Variants in TMEM74 observed in about 807,000 individuals in gnomAD.
TMEM74 encodes transmembrane protein 74.
Under a neutral mutation model 18.1 loss-of-function variants are expected in TMEM74, and 13 were observed. The ratio of observed to expected loss-of-function variants is 0.72; its 90% CI spans 0.47 to 1.14. The LOEUF (loss-of-function observed/expected upper bound fraction) is 1.14. TMEM74 is among the 50% of genes most tolerant of loss of function. The pLI is 0.00. For synonymous variants in TMEM74, 159 were observed against 146.6 expected (o/e 1.08, Z -0.61); for missense variants, 372 against 375.9 (o/e 0.99, Z 0.09).
intron 1 of TMEM74, among the ~76,000 whole-genome samples, chr8:108,722,698 A>C (rs1464815572): frequency 6.6e-6 from 1 of 152,152 alleles, no homozygotes; most frequent in Non-Finnish European, 1.5e-5. Context: ...GTATGATGCT[A>C]ATTTGCATCT....
chr8:108,673,857 C>G (rs1813027826), intron 1 of TMEM74, among the ~76,000 whole-genome samples: 1 of 152,174 alleles, frequency 6.6e-6, no homozygotes, highest in South Asian at 2.1e-4. Flanking sequence ...ACACTGTTAT[C>G]ACAACCCTAC....
At chr8:108,689,642 T>C (rs1346466484) in intron 1 of TMEM74, among the ~76,000 whole-genome samples, 1 of 152,192 alleles carries the variant, frequency 6.6e-6, no homozygotes, top group African/African-American at 2.4e-5. Context: ...AGAAAAGATA[T>C]CACTGGAATG....
At chr8:108,732,314 A>T (rs1352587996) in intron 1 of TMEM74, among the ~76,000 whole-genome samples, 1 of 152,198 alleles carries the variant, frequency 6.6e-6, no homozygotes, top group East Asian at 1.9e-4. Context: ...TTAGCTGTCC[A>T]TTCTCTCCCC....
intron 2 of TMEM74, among the ~76,000 whole-genome samples, chr8:108,630,517 A>G (rs1438500908): frequency 6.6e-6 from 1 of 152,106 alleles, no homozygotes; most frequent in East Asian, 1.9e-4. Context: ...CCAAATCAAC[A>G]GAATATACAT....
intron 1 of TMEM74, among the ~76,000 whole-genome samples, chr8:108,757,065 T>C (rs1195313223): frequency 1.3e-5 from 2 of 152,112 alleles, no homozygotes; most frequent in African/African-American, 4.8e-5. Context: ...CCTCAGGAGC[T>C]AGGGGACTAT....
At chr8:108,730,634 C>CTTTTTTTTT (rs1199122765) in intron 1 of TMEM74, among the ~76,000 whole-genome samples, 36 of 132,174 alleles carry the variant, frequency 2.7e-4, no homozygotes, top group African/African-American at 1.1e-3. Context: ...TGCAGACTTC[C>CTTTTTTTTT]TTTTTTTTTT....
chr8:108,659,636 T>A (rs2130579804), intron 1 of TMEM74, among the ~76,000 whole-genome samples: 1 of 152,288 alleles, frequency 6.6e-6, no homozygotes, highest in Non-Finnish European at 1.5e-5. Flanking sequence ...AACTAATTGG[T>A]TACAGGTTGT....
intron 1 of TMEM74, among the ~76,000 whole-genome samples, chr8:108,729,314 A>G (rs959498192): frequency 1.3e-5 from 2 of 152,202 alleles, no homozygotes; most frequent in Non-Finnish European, 2.9e-5. Context: ...CCTCTCCAGC[A>G]ATGATTGGTC....
At chr8:108,693,244 T>A (rs1813248237) in intron 1 of TMEM74, among the ~76,000 whole-genome samples, 1 of 152,068 alleles carries the variant, frequency 6.6e-6, no homozygotes, top group African/African-American at 2.4e-5. Flanking sequence ...ACAAGGACAT[T>A]CACATCAGAT....
chr8:108,628,368 A>G (rs946728943), intron 2 of TMEM74, among the ~76,000 whole-genome samples: 3 of 152,092 alleles, frequency 2.0e-5, no homozygotes, highest in Non-Finnish European at 2.9e-5. Context: ...TTCTCTGCAG[A>G]CACCAACTAA....
chr8:108,632,527 C>T lies in TMEM74; in HGVS notation n.264+22766G>A, dbSNP rs115211184. On this transcript the variant is annotated intron_variant and non_coding_transcript_variant, in intron 2 of 3. Coordinates refer to the TMEM74 transcript ENST00000518838. ...AGAAAATTAGTTTATTTAAATAAAC[C>T]TCTAACTACCATTTCAAGGACCATG... is the stretch of plus-strand genomic sequence containing the variant. Among the ~76,000 whole-genome samples the T allele has an allele frequency of 3.6e-3, 546 of 151,662 alleles. 3 individuals carry two copies. Among genetic ancestry groups the T allele is most frequent in the African/African-American group, 0.013 (525 of 41,388 alleles).
chr8:108,714,044 C>A (rs544240829), intron 1 of TMEM74, among the ~76,000 whole-genome samples: 7 of 152,280 alleles, frequency 4.6e-5, no homozygotes, highest in African/African-American at 7.2e-5. Context: ...TCCCTCCAGA[C>A]CCCCAGCAGA....
At chr8:108,751,900 G>A (rs1455779977) in intron 1 of TMEM74, among the ~76,000 whole-genome samples, 1 of 152,106 alleles carries the variant, frequency 6.6e-6, no homozygotes, top group Non-Finnish European at 1.5e-5. Flanking sequence ...CTAGGACAAT[G>A]TTGCTAAGGA....
intron 2 of TMEM74, among the ~76,000 whole-genome samples, chr8:108,629,376 A>T (rs1327364083): frequency 6.6e-6 from 1 of 152,104 alleles, no homozygotes; most frequent in African/African-American, 2.4e-5. Flanking sequence ...CCTGAAAGTG[A>T]CAGGGAGAAT....
chr8:108,627,330 T>C (rs764417445), intron 2 of TMEM74, among the ~76,000 whole-genome samples: 7 of 151,906 alleles, frequency 4.6e-5, no homozygotes, highest in African/African-American at 7.2e-5. Flanking sequence ...AAATGATCTA[T>C]AGTGATGTGG....
At chr8:108,610,234 G>A (rs1812321461) in intron 2 of TMEM74, among the ~76,000 whole-genome samples, 1 of 152,126 alleles carries the variant, frequency 6.6e-6, no homozygotes, top group Non-Finnish European at 1.5e-5. Flanking sequence ...TATTGAGAAG[G>A]ACTGAGATCA....
At chr8:108,753,164 C>T (rs1398365113) in intron 1 of TMEM74, among the ~76,000 whole-genome samples, 1 of 152,074 alleles carries the variant, frequency 6.6e-6, no homozygotes, top group Non-Finnish European at 1.5e-5. Context: ...AATTAACAGG[C>T]ATTTTATTTC....
intron 2 of TMEM74, among the ~76,000 whole-genome samples, chr8:108,611,724 AT>A (rs1179756510): frequency 1.3e-5 from 2 of 152,142 alleles, no homozygotes; most frequent in East Asian, 3.9e-4. Context: ...GTGTGACTAA[AT>A]TTTTCTGTCA....
At chr8:108,684,976 A>G (rs927945642) in intron 1 of TMEM74, among the ~76,000 whole-genome samples, 15 of 151,996 alleles carry the variant, frequency 9.9e-5, no homozygotes, top group African/African-American at 3.6e-4. Flanking sequence ...GAAGAATGTC[A>G]TTGGTATTTT....
Sources: gnomAD v4.1 joint callset for allele counts (sites outside exome capture counted in the v4.1 genomes callset) on GRCh38, gnomAD v4.1.1 for gene constraint, MANE v1.5 for transcripts, NCBI Gene and HGNC (gene_info 2026-07-23, HGNC 2026-07-21) for gene names.